Variants in TSHR observed in about 807,000 individuals in gnomAD.
The protein encoded by TSHR is thyrotropin receptor.
TSHR carries 51 observed loss-of-function variants against 64.1 expected under a neutral mutation model. That is an observed-to-expected ratio of 0.80 (90% CI 0.64 to 1.01). TSHR has a LOEUF of 1.01. Among genes scored for constraint, TSHR ranks in the 50% least tolerant of loss-of-function variants. The probability of loss-of-function intolerance (pLI) is 0.00; values close to 1 mark genes in which losing one functional copy is unlikely to be tolerated. For missense variants in TSHR, 877 were observed against 942.8 expected, an observed-to-expected ratio of 0.93 and a Z score of 0.91; for synonymous variants, 361 against 361.9, an observed-to-expected ratio of 1.00 and a Z score of 0.03.
chr14:80,973,660 C>T (rs905263503), intron 1 of TSHR, among the ~76,000 whole-genome samples: 27 of 152,100 alleles, frequency 1.8e-4, no homozygotes, highest in African/African-American at 6.5e-4. Context: ...AGTCAATATT[C>T]ATGCAAAGGG....
At chr14:81,071,160 A>G (rs1887039590) in intron 3 of TSHR, among the ~76,000 whole-genome samples, 1 of 152,192 alleles carries the variant, frequency 6.6e-6, no homozygotes, top group African/African-American at 2.4e-5. Context: ...CTTTTATGAA[A>G]ACATTAAAAT....
At chr14:81,085,420 T>A (rs1888219395) in intron 3 of TSHR, among the ~76,000 whole-genome samples, 1 of 152,272 alleles carries the variant, frequency 6.6e-6, no homozygotes, top group African/African-American at 2.4e-5. Context: ...TCCCTGCTGT[T>A]TTCTTGTGGG....
intron 1 of TSHR, among the ~76,000 whole-genome samples, chr14:80,984,497 A>G (rs571304990): frequency 3.3e-5 from 5 of 152,294 alleles, no homozygotes; most frequent in African/African-American, 1.2e-4. Flanking sequence ...AATGAGAATT[A>G]GAGAGGGTAA....
At chr14:81,083,463 T>C (rs988777021) in intron 3 of TSHR, among the ~76,000 whole-genome samples, 4 of 134,954 alleles carry the variant, frequency 3.0e-5, no homozygotes, top group African/African-American at 1.1e-4. Context: ...CCTTGAAACC[T>C]CATTTAAAAA....
Position 81,074,463 on chromosome 14 carries a change from G to A in TSHR, c.317+6135G>A, listed in dbSNP as rs116560214. Reference sequence around the variant, plus strand: ...GAAAGATCACTCATCTTTGCTCAAGGAATTGAGAATGGTTTTGTGGGTATA... The same window carrying A: ...GAAAGATCACTCATCTTTGCTCAAGAAATTGAGAATGGTTTTGTGGGTATA... On this transcript the variant is annotated intron_variant, in intron 3 of 9. Coordinates refer to ENST00000298171, the MANE Select transcript of TSHR (RefSeq NM_000369.5). 8.8e-3 allele frequency among the ~76,000 whole-genome samples: 1,339 copies of A among 152,234 alleles called. 18 individuals are homozygous for A. Among genetic ancestry groups the A allele is most frequent in the African/African-American group, 0.03 (1,256 of 41,544 alleles).
At chr14:80,957,471 A>AC (rs1224070660) in intron 1 of TSHR, among the ~76,000 whole-genome samples, 1 of 152,194 alleles carries the variant, frequency 6.6e-6, no homozygotes, top group Non-Finnish European at 1.5e-5. Flanking sequence ...AAAAACAAAA[A>AC]AAAAAAAACT....
At chr14:81,123,141 AT>A (rs61351357) in intron 8 of TSHR, among the ~76,000 whole-genome samples, 23,625 of 149,682 alleles carry the variant, frequency 0.16, 1,912 homozygotes, top group East Asian at 0.29. Flanking sequence ...AAAAAAAAAA[AT>A]TAACACTTAA....
intron 1 of TSHR, among the ~76,000 whole-genome samples, chr14:81,042,340 C>T (rs2139847468): frequency 2.0e-5 from 3 of 152,222 alleles, no homozygotes; most frequent in Middle Eastern, 3.4e-3. Flanking sequence ...TCTGCACTCT[C>T]ATGTTTATTG....
chr14:80,961,016 G>A (rs1886993806), intron 1 of TSHR, among the ~76,000 whole-genome samples: 1 of 152,248 alleles, frequency 6.6e-6, no homozygotes, highest in South Asian at 2.1e-4. Flanking sequence ...CATTTGATTG[G>A]CTGGCAAGCC....
At chr14:81,055,326 G>A (rs1346016164) in intron 1 of TSHR, among the ~76,000 whole-genome samples, 1 of 152,180 alleles carries the variant, frequency 6.6e-6, no homozygotes, top group Non-Finnish European at 1.5e-5. Context: ...GCAGGGGTGA[G>A]GCACTCATGA....
chr14:81,076,200 A>C (rs1887489751), intron 3 of TSHR, among the ~76,000 whole-genome samples: 1 of 152,156 alleles, frequency 6.6e-6, no homozygotes, highest in Non-Finnish European at 1.5e-5. Context: ...GTTCTTATTC[A>C]TACCTCTTCC....
chr14:81,078,427 G>T (rs1359966115), intron 3 of TSHR, among the ~76,000 whole-genome samples: 1 of 151,756 alleles, frequency 6.6e-6, no homozygotes, highest in Admixed American at 6.6e-5. Flanking sequence ...TTTCCCCTCT[G>T]GTTACTTGTA....
intron 2 of TSHR, among the ~76,000 whole-genome samples, chr14:81,067,287 G>A (rs143467609): frequency 6.6e-6 from 1 of 151,490 alleles, no homozygotes; most frequent in Non-Finnish European, 1.5e-5. Flanking sequence ...CTATTTTGAG[G>A]AACTCTTCTA....
chr14:80,990,947 G>A (rs999682517), intron 1 of TSHR, among the ~76,000 whole-genome samples: 8 of 152,196 alleles, frequency 5.3e-5, no homozygotes, highest in East Asian at 1.9e-4. Context: ...GAGCCACTGC[G>A]CCTGGCTGAA....
At chr14:80,957,433 A>C (rs1354131822) in intron 1 of TSHR, among the ~76,000 whole-genome samples, 4 of 151,884 alleles carry the variant, frequency 2.6e-5, no homozygotes, top group Non-Finnish European at 4.4e-5. Flanking sequence ...CGAATTCCTG[A>C]AACCCTGGAA....
intron 1 of TSHR, among the ~76,000 whole-genome samples, chr14:81,019,395 A>T (rs1219155765): frequency 1.3e-5 from 2 of 151,186 alleles, no homozygotes; most frequent in African/African-American, 4.8e-5. Context: ...TTTTGCCAAG[A>T]TATAAGCAAG....
chr14:81,080,530 T>C (rs1159792988), intron 3 of TSHR, among the ~76,000 whole-genome samples: 1 of 152,182 alleles, frequency 6.6e-6, no homozygotes, highest in Non-Finnish European at 1.5e-5. Flanking sequence ...TTTTCTTCAA[T>C]GTGCTTTAAA....
intron 1 of TSHR, among the ~76,000 whole-genome samples, chr14:81,032,209 G>A (rs1023811506): frequency 6.6e-6 from 1 of 152,156 alleles, no homozygotes; most frequent in Non-Finnish European, 1.5e-5. Context: ...ATCCATGGGT[G>A]GGGGTATTTT....
chr14:81,071,466 AT>A (rs914256118), intron 3 of TSHR, among the ~76,000 whole-genome samples: 5 of 151,834 alleles, frequency 3.3e-5, no homozygotes, highest in African/African-American at 1.2e-4. Flanking sequence ...TTAATGTAAA[AT>A]TTTTTTACCG....
Sources: allele counts gnomAD v4.1 joint callset (sites outside exome capture counted in the v4.1 genomes callset), GRCh38; gene constraint gnomAD v4.1.1; transcripts MANE v1.5; gene names NCBI Gene and HGNC (gene_info 2026-07-23, HGNC 2026-07-21).